Variants in ARHGAP26 observed in about 807,000 individuals in gnomAD.
The protein encoded by ARHGAP26 is rho GTPase-activating protein 26.
In ARHGAP26, 38 loss-of-function variants were observed where a neutral mutation model predicts 104.8. The observed-to-expected ratio is 0.36, with a 90% confidence interval of 0.28 to 0.48. ARHGAP26 has a LOEUF of 0.48. Among genes scored for constraint, ARHGAP26 ranks in the 20% least tolerant of loss-of-function variants. The probability of loss-of-function intolerance (pLI) is 0.99; values close to 1 mark genes in which losing one functional copy is unlikely to be tolerated. For synonymous variants in ARHGAP26, 341 were observed against 340.0 expected, an observed-to-expected ratio of 1.00 and a Z score of -0.03; for missense variants, 704 against 947.9, an observed-to-expected ratio of 0.74 and a Z score of 3.38.
intron 20 of ARHGAP26, among the ~76,000 whole-genome samples, chr5:143,163,643 G>T (rs258785): frequency 0.32 from 48,743 of 151,758 alleles, 8,689 homozygotes; most frequent in East Asian, 0.49. Flanking sequence ...TAGAGACGGG[G>T]TTTCACCATG....
At chr5:142,819,997 T>C (rs1159853032) in intron 1 of ARHGAP26, among the ~76,000 whole-genome samples, 1 of 152,104 alleles carries the variant, frequency 6.6e-6, no homozygotes, top group Non-Finnish European at 1.5e-5. Context: ...CGGTCTGCCG[T>C]TGTTTGTGGA....
At chr5:143,096,827 G>A (rs979722519) in intron 17 of ARHGAP26, among the ~76,000 whole-genome samples, 1 of 152,144 alleles carries the variant, frequency 6.6e-6, no homozygotes. Context: ...CCTGAAGGGT[G>A]TTGGAAACCT....
At chr5:142,788,685 A>G (rs918647557) in intron 1 of ARHGAP26, among the ~76,000 whole-genome samples, 4 of 152,204 alleles carry the variant, frequency 2.6e-5, no homozygotes, top group African/African-American at 7.2e-5. Context: ...TAATCTTGAG[A>G]TGATTTAAAA....
intron 20 of ARHGAP26, among the ~76,000 whole-genome samples, chr5:143,163,544 G>C (rs1202125372): frequency 6.6e-6 from 1 of 151,990 alleles, no homozygotes; most frequent in Non-Finnish European, 1.5e-5. Flanking sequence ...TTTGCCTCCT[G>C]GGTTCAAGCG....
intron 20 of ARHGAP26, chr5:143,203,295 A>C (rs982652333): frequency 6.6e-6 from 1 of 152,242 alleles, no homozygotes; most frequent in Admixed American, 6.5e-5. Context: ...GAAGACATTT[A>C]TGTGGCAAAC....
At chr5:143,189,564 CT>C (rs1805621088) in intron 20 of ARHGAP26, among the ~76,000 whole-genome samples, 1 of 151,096 alleles carries the variant, frequency 6.6e-6, no homozygotes. Context: ...GTAGTATTTC[CT>C]AAATTTTTTC....
rs555077478 is a variant in ARHGAP26 at position 143,015,737 on chromosome 5, G to C, written c.1144+1621G>C. On this transcript the variant is annotated intron_variant, in intron 12 of 22. Coordinates refer to ENST00000645722, the MANE Select transcript of ARHGAP26 (RefSeq NM_001135608.3). ...AAGAGTGGTGGGGTGGGGGAGGAGA[G>C]GCACGTGAATGGAGACCTCCCCCTA... 1.8e-3 allele frequency among the ~76,000 whole-genome samples: 279 copies of C among 151,940 alleles called. 1 individual carries two copies. The highest frequency in any genetic ancestry group is 6.3e-3 in the African/African-American group (260 of 41,448).
rs140815765 is a variant in ARHGAP26 at position 142,822,027 on chromosome 5, C to G, written c.154+51112C>G. ...AACTATTAACCTGTTAAACATACTC[C>G]AATCCCCCATAAAGCTGTTCTTCTA... is the stretch of plus-strand genomic sequence containing the variant. On this transcript the variant is annotated intron_variant, in intron 1 of 22. Transcript: ENST00000645722. Among the ~76,000 whole-genome samples the G allele has an allele frequency of 4.7e-3, 712 of 152,318 alleles. 8 individuals are homozygous for G. The highest frequency in any genetic ancestry group is 0.016 in the African/African-American group (680 of 41,564).
rs71587237 is a variant in ARHGAP26, at chr5:142,807,661, A to G, written c.154+36746A>G. ...TCACCCTTTTTGTTGATACATTCCC[A>G]GAATGTTCAAGTTCACACCCATGTT... On this transcript the variant is annotated intron_variant, in intron 1 of 22. Transcript: ENST00000645722. Among the ~76,000 whole-genome samples, 601 of 152,268 alleles carry G rather than the reference A, an allele frequency of 3.9e-3. 2 individuals carry two copies. Among genetic ancestry groups the G allele is most frequent in the Non-Finnish European group, 7.0e-3 (475 of 68,020 alleles).
intron 11 of ARHGAP26, among the ~76,000 whole-genome samples, chr5:142,994,374 A>C (rs1228840498): frequency 1.3e-5 from 2 of 152,208 alleles, no homozygotes; most frequent in Non-Finnish European, 2.9e-5. Context: ...AAAGTAGAAA[A>C]GTAAGGTAGG....
intron 1 of ARHGAP26, among the ~76,000 whole-genome samples, chr5:142,800,769 A>G (rs1177219672): frequency 2.0e-5 from 3 of 152,224 alleles, no homozygotes; most frequent in African/African-American, 7.2e-5. Flanking sequence ...TGAACCTGGC[A>G]GCACGTTCTC....
chr5:143,050,047 G>A lies in ARHGAP26; in HGVS notation c.1286-4392G>A, dbSNP rs3776350. On this transcript the variant is annotated intron_variant, in intron 14 of 22. Transcript: ENST00000645722. ...CCCCCAAAAGTGTGTTTGCTGGAGTGGGGTTGGGGGGTTGCAGCATGGCCT... is the reference window on the plus strand; with the variant it reads ...CCCCCAAAAGTGTGTTTGCTGGAGTAGGGTTGGGGGGTTGCAGCATGGCCT... Among the ~76,000 whole-genome samples, 3,938 of 152,314 alleles carry A rather than the reference G, an allele frequency of 0.026. 777 individuals carry two copies. The East Asian group carries it at 0.53, about 20-fold the overall frequency.
chr5:142,783,991 C>T (rs1401661109), intron 1 of ARHGAP26, among the ~76,000 whole-genome samples: 1 of 152,230 alleles, frequency 6.6e-6, no homozygotes, highest in Non-Finnish European at 1.5e-5. Flanking sequence ...AGGGCAGGCA[C>T]TGGAGGCGAG....
chr5:143,214,443 A>G (rs1414824830), intron 22 of ARHGAP26, among the ~76,000 whole-genome samples: 1 of 152,248 alleles, frequency 6.6e-6, no homozygotes, highest in Admixed American at 6.5e-5. Context: ...TGTATTAAGC[A>G]TTCACTAAAT....
intron 14 of ARHGAP26, among the ~76,000 whole-genome samples, chr5:143,044,219 T>C (rs1783894779): frequency 6.6e-6 from 1 of 152,214 alleles, no homozygotes; most frequent in Non-Finnish European, 1.5e-5. Context: ...TTTGCTCATA[T>C]AACTGGTAAA....
chr5:143,012,552 C>CATATATATATATATATAT (rs3073231), intron 11 of ARHGAP26, among the ~76,000 whole-genome samples: 978 of 20,760 alleles, frequency 0.047, 153 homozygotes, highest in Non-Finnish European at 0.075. Context: ...TACATACATA[C>CATATATATATATATATAT]ATATATATAT....
chr5:142,996,590 A>G (rs1302650627), intron 11 of ARHGAP26, among the ~76,000 whole-genome samples: 1 of 152,130 alleles, frequency 6.6e-6, no homozygotes. Context: ...AGCAAGTACT[A>G]ATTTAGTGGC....
At chr5:142,850,403 T>C (rs915222053) in intron 1 of ARHGAP26, among the ~76,000 whole-genome samples, 3 of 152,170 alleles carry the variant, frequency 2.0e-5, no homozygotes, top group African/African-American at 4.8e-5. Flanking sequence ...TGCTTACTGC[T>C]TTTTCTTTTT....
At chr5:143,073,575 A>G (rs1788566976) in intron 17 of ARHGAP26, among the ~76,000 whole-genome samples, 1 of 152,222 alleles carries the variant, frequency 6.6e-6, no homozygotes, top group Non-Finnish European at 1.5e-5. Context: ...AGCAGGCAAG[A>G]GGTTCTAATC....
Sources: allele counts gnomAD v4.1 joint callset (sites outside exome capture counted in the v4.1 genomes callset), GRCh38; gene constraint gnomAD v4.1.1; transcripts MANE v1.5; gene names NCBI Gene and HGNC (gene_info 2026-07-23, HGNC 2026-07-21).